Variants in CDH10 observed in about 807,000 individuals in gnomAD.
CDH10 encodes the protein cadherin 10.
Under a neutral mutation model 73.1 loss-of-function variants are expected in CDH10, and 30 were observed. The observed-to-expected ratio is 0.41, with a 90% CI of 0.31 to 0.56. The LOEUF is 0.56. CDH10 is among the 20% of genes least tolerant of loss of function. The pLI, the probability that CDH10 is intolerant of heterozygous loss-of-function variation, is 0.27. For missense variants in CDH10, 815 were observed against 973.7 expected (o/e 0.84, Z 2.17); for synonymous variants, 345 against 348.2 (o/e 0.99, Z 0.10).
Position 24,488,606 on chromosome 5 carries a change from A to G in CDH10, c.1877-453T>C, listed in dbSNP as rs147173061. 1.9e-3 allele frequency among the ~76,000 whole-genome samples: 291 copies of G among 152,264 alleles called. 1 individual carries two copies. Among genetic ancestry groups the G allele is most frequent in the Middle Eastern group, 6.8e-3 (2 of 294 alleles). ...TTTTCAAAGCATTTACACAATAGCA[A>G]AAAGCAACATCATTCACAACATACT... is the stretch of plus-strand genomic sequence containing the variant. On this transcript the variant is annotated intron_variant, in intron 11 of 11. Coordinates refer to ENST00000264463, the MANE Select transcript of CDH10 (RefSeq NM_006727.5).
chr5:24,592,893 A>G (rs1179563223), intron 2 of CDH10, among the ~76,000 whole-genome samples: 1 of 139,332 alleles, frequency 7.2e-6, no homozygotes, highest in Non-Finnish European at 1.5e-5. Context: ...TGAACTCAAT[A>G]GCAATGTGAA....
chr5:24,512,356 T>C (rs1017768439), intron 5 of CDH10, among the ~76,000 whole-genome samples: 4 of 152,136 alleles, frequency 2.6e-5, no homozygotes, highest in African/African-American at 4.8e-5. Flanking sequence ...TATGTATTTA[T>C]GTGTGTTTAC....
chr5:24,624,505 A>G (rs1747425546), intron 1 of CDH10, among the ~76,000 whole-genome samples: 3 of 152,162 alleles, frequency 2.0e-5, no homozygotes, highest in African/African-American at 7.2e-5. Flanking sequence ...TCTAGGTCCT[A>G]GAAAGTTTCC....
chr5:24,491,303 AGTT>A (rs1366148162), intron 11 of CDH10, among the ~76,000 whole-genome samples: 2 of 152,156 alleles, frequency 1.3e-5, no homozygotes, highest in Non-Finnish European at 2.9e-5. Flanking sequence ...GGTGAAAGAC[AGTT>A]GTTGTTTTTT....
chr5:24,541,654 T>A (rs576841337), intron 2 of CDH10, among the ~76,000 whole-genome samples: 7 of 152,238 alleles, frequency 4.6e-5, no homozygotes, highest in African/African-American at 1.7e-4. Flanking sequence ...CATTAAGTTT[T>A]CTTTAAACAT....
chr5:24,528,314 C>G (rs1743605007), intron 5 of CDH10, among the ~76,000 whole-genome samples: 1 of 151,870 alleles, frequency 6.6e-6, no homozygotes, highest in African/African-American at 2.4e-5. Context: ...GCATACCTGA[C>G]AGTTGCTCTA....
intron 8 of CDH10, among the ~76,000 whole-genome samples, chr5:24,504,253 GAAGAA>G (rs1742601061): frequency 6.6e-6 from 1 of 151,994 alleles, no homozygotes; most frequent in African/African-American, 2.4e-5. Flanking sequence ...CTCTATACCA[GAAGAA>G]AAGTAACATT....
At chr5:24,642,514 C>T (rs332005) in intron 1 of CDH10, among the ~76,000 whole-genome samples, 147,981 of 152,240 alleles carry the variant, frequency 0.97, 72,033 homozygotes, top group East Asian at 1. Flanking sequence ...TTGTAAATAA[C>T]GTGTCAGAAA....
In CDH10 at chr5:24,535,684, G is replaced by A. The variant is rs2111881996; in HGVS notation, c.646+19C>T. 1.3e-6 allele frequency: 2 copies of A among 1,597,230 alleles called. No homozygotes were observed. Among genetic ancestry groups the A allele is most frequent in the Non-Finnish European group, 1.7e-6 (2 of 1,171,902 alleles). On this transcript the variant is annotated intron_variant, in intron 4 of 11. Coordinates refer to ENST00000264463, the MANE Select transcript of CDH10 (RefSeq NM_006727.5). Reference sequence around the variant, plus strand: ...ATAAAGATGATCAAATGAACAAACAGCAATTCATGATTCCTGACCTGTTTC... The same window carrying A: ...ATAAAGATGATCAAATGAACAAACAACAATTCATGATTCCTGACCTGTTTC...
chr5:24,603,879 T>A (rs913256005), intron 1 of CDH10, among the ~76,000 whole-genome samples: 2 of 151,846 alleles, frequency 1.3e-5, no homozygotes, highest in African/African-American at 4.8e-5. Context: ...AAGGAAAAAA[T>A]AAAACTGTGT....
At chr5:24,503,289 C>T (rs16893455) in intron 8 of CDH10, among the ~76,000 whole-genome samples, 2,239 of 152,182 alleles carry the variant, frequency 0.015, 54 homozygotes, top group African/African-American at 0.048. Flanking sequence ...TTTTTAAAAA[C>T]GATTCTGTCC....
At chr5:24,579,213 T>TA (rs1246700654) in intron 2 of CDH10, among the ~76,000 whole-genome samples, 2 of 151,992 alleles carry the variant, frequency 1.3e-5, no homozygotes, top group African/African-American at 4.8e-5. Context: ...TTAAGATACT[T>TA]TATAATTAAG....
chr5:24,568,807 C>A (rs1358729033), intron 2 of CDH10, among the ~76,000 whole-genome samples: 1 of 152,004 alleles, frequency 6.6e-6, no homozygotes, highest in African/African-American at 2.4e-5. Flanking sequence ...CAACATGATT[C>A]AGACTAAAAG....
At chr5:24,607,310 G>A (rs369945107) in intron 1 of CDH10, among the ~76,000 whole-genome samples, 9 of 152,266 alleles carry the variant, frequency 5.9e-5, no homozygotes, top group African/African-American at 2.2e-4. Flanking sequence ...CACAAGGGTG[G>A]GAGAGTTACT....
chr5:24,620,515 A>G (rs1255014827), intron 1 of CDH10, among the ~76,000 whole-genome samples: 1 of 152,196 alleles, frequency 6.6e-6, no homozygotes, highest in Non-Finnish European at 1.5e-5. Flanking sequence ...GTTATTGAAT[A>G]AAGAGAGATC....
intron 5 of CDH10, among the ~76,000 whole-genome samples, chr5:24,512,880 C>T (rs1484314241): frequency 7.6e-6 from 1 of 130,758 alleles, no homozygotes; most frequent in East Asian, 2.5e-4. Context: ...TATGTCTCTC[C>T]TATATCATTT....
chr5:24,634,638 G>A (rs1417947563), intron 1 of CDH10, among the ~76,000 whole-genome samples: 2 of 151,662 alleles, frequency 1.3e-5, no homozygotes, highest in Non-Finnish European at 3.0e-5. Flanking sequence ...TAAATATATA[G>A]CTATGGCAAA....
chr5:24,633,764 T>A (rs1747778529), intron 1 of CDH10, among the ~76,000 whole-genome samples: 1 of 151,924 alleles, frequency 6.6e-6, no homozygotes, highest in African/African-American at 2.4e-5. Context: ...TAAATGGCAT[T>A]CATTTAAAAA....
Position 24,511,370 on chromosome 5 carries a change from A to G in CDH10, c.959T>C (p.Val320Ala). The change falls in exon 6 of 12, where the codon GTG (valine) becomes GCG (alanine). Residue 320 changes from valine to alanine, a missense_variant. Val to Ala is a moderately conservative substitution (Grantham distance 64). Coordinates refer to ENST00000264463, the MANE Select transcript of CDH10 (RefSeq NM_006727.5). ...GCCTTCCTGTGTGTCCTTCTCAGTC[A>G]CGATGTCAAACATATCAGTACCGTC... Reference protein sequence around the residue: ...DGDGTDMFDIVTEKDTQEGII... With the variant: ...DGDGTDMFDIATEKDTQEGII... The G allele has an allele frequency of 6.2e-7, 1 of 1,612,804 alleles. No individual in the cohort carries two copies. Among genetic ancestry groups the G allele is most frequent in the Non-Finnish European group, 8.5e-7 (1 of 1,178,866 alleles).
Sources: allele counts gnomAD v4.1 joint callset (sites outside exome capture counted in the v4.1 genomes callset), GRCh38; gene constraint gnomAD v4.1.1; transcripts MANE v1.5; gene names NCBI Gene and HGNC (gene_info 2026-07-23, HGNC 2026-07-21).